SLCO5A1: variants seen among roughly 807,000 people sequenced by gnomAD.
SLCO5A1 encodes organic anion transporter polypeptide-related protein 4.
SLCO5A1 carries 39 observed loss-of-function variants against 65.1 expected under a neutral mutation model. The ratio of observed to expected loss-of-function variants is 0.60; its 90% confidence interval spans 0.46 to 0.78. SLCO5A1 has a LOEUF of 0.78. Among genes scored for constraint, SLCO5A1 ranks in the 30% least tolerant of loss-of-function variants. The pLI, the probability that SLCO5A1 is intolerant of heterozygous loss-of-function variation, is 0.00. For synonymous variants in SLCO5A1, 438 were observed against 415.7 expected (o/e 1.05, Z -0.65); for missense variants, 1,029 against 1,069.4 (o/e 0.96, Z 0.53).
At chr8:69,767,152 T>C (rs1818093595) in intron 2 of SLCO5A1, among the ~76,000 whole-genome samples, 1 of 152,214 alleles carries the variant, frequency 6.6e-6, no homozygotes, top group Non-Finnish European at 1.5e-5. Context: ...ACCAGTAATA[T>C]AAACACAAAT....
intron 5 of SLCO5A1, among the ~76,000 whole-genome samples, chr8:69,737,580 C>T (rs1816611673): frequency 6.6e-6 from 1 of 152,130 alleles, no homozygotes; most frequent in African/African-American, 2.4e-5. Context: ...AAAATTCATA[C>T]ATTTCCTTTT....
chr8:69,740,159 G>A (rs1353341211), intron 4 of SLCO5A1, among the ~76,000 whole-genome samples: 2 of 152,142 alleles, frequency 1.3e-5, no homozygotes, highest in Non-Finnish European at 2.9e-5. Flanking sequence ...ATTAGCAGAA[G>A]TTCAGACCTT....
intron 5 of SLCO5A1, among the ~76,000 whole-genome samples, chr8:69,707,553 GA>G (rs1430233323): frequency 6.6e-6 from 1 of 152,192 alleles, no homozygotes; most frequent in Non-Finnish European, 1.5e-5. Flanking sequence ...GAAAGACCAT[GA>G]AAAGGAGCTC....
intron 2 of SLCO5A1, among the ~76,000 whole-genome samples, chr8:69,808,543 C>T (rs1820104090): frequency 6.6e-6 from 1 of 152,056 alleles, no homozygotes; most frequent in Admixed American, 6.6e-5. Context: ...GTGTATGTAC[C>T]ACATTTTCTT....
intron 5 of SLCO5A1, among the ~76,000 whole-genome samples, chr8:69,719,195 C>T (rs1586722611): frequency 6.6e-6 from 1 of 152,194 alleles, no homozygotes; most frequent in East Asian, 1.9e-4. Context: ...CCACTTTGGA[C>T]AAGACAGTGA....
intron 2 of SLCO5A1, among the ~76,000 whole-genome samples, chr8:69,796,013 G>C (rs1384698746): frequency 6.6e-6 from 1 of 152,174 alleles, no homozygotes; most frequent in African/African-American, 2.4e-5. Flanking sequence ...GAGCAGCCGG[G>C]ATGTGGAAAG....
intron 2 of SLCO5A1, among the ~76,000 whole-genome samples, chr8:69,797,709 C>A (rs1489483015): frequency 6.6e-6 from 1 of 152,194 alleles, no homozygotes; most frequent in African/African-American, 2.4e-5. Context: ...CTTATTAGGA[C>A]AAGGAAATTC....
Position 69,832,809 on chromosome 8 carries a change from C to A in SLCO5A1, c.-136G>T. ...CTGGGGCTGGGGGCGCAGGGCCGCG[C>A]AGCAGGGCATCCTCACCAGCTGCGA... is the stretch of plus-strand genomic sequence containing the variant. On this transcript the variant is annotated 5_prime_UTR_variant, in exon 2 of 10. Transcript: ENST00000260126. The surrounding 1 kb of genome is among the most constrained non-coding windows in gnomAD (Gnocchi z 4.5). The A allele has an allele frequency of 2.0e-6, 2 of 1,007,986 alleles. No homozygotes were observed. The highest frequency in any genetic ancestry group is 2.8e-6 in the Non-Finnish European group (2 of 707,904). 62.4% of individuals were successfully genotyped at this position (1,007,986 alleles called of 1,614,324 possible).
intron 6 of SLCO5A1, 81 bp downstream of exon 6, chr8:69,704,949 AG>A (rs1814902420): frequency 1.5e-6 from 2 of 1,301,546 alleles, no homozygotes; most frequent in Non-Finnish European, 2.2e-6. Context: ...GAGGGGTATG[AG>A]GCTGACTGCA....
At chr8:69,714,492 T>C (rs1184660204) in intron 5 of SLCO5A1, among the ~76,000 whole-genome samples, 1 of 152,164 alleles carries the variant, frequency 6.6e-6, no homozygotes, top group Non-Finnish European at 1.5e-5. Flanking sequence ...CTCGCCTGGC[T>C]CAAAGCTGCT....
intron 5 of SLCO5A1, among the ~76,000 whole-genome samples, chr8:69,726,146 A>G (rs1816064285): frequency 1.3e-5 from 2 of 152,230 alleles, no homozygotes; most frequent in South Asian, 4.1e-4. Context: ...ATTAATCATC[A>G]AAGGTAAGTG....
intron 5 of SLCO5A1, among the ~76,000 whole-genome samples, chr8:69,725,617 G>A (rs1055035967): frequency 1.4e-4 from 21 of 152,198 alleles, no homozygotes; most frequent in Admixed American, 1.3e-3. Flanking sequence ...TTTGTAAGTC[G>A]TGGGGGATGG....
In SLCO5A1 at chr8:69,749,628, A is replaced by G. The variant is rs558239838; in HGVS notation, c.1258+5796T>C. Among the ~76,000 whole-genome samples the G allele has an allele frequency of 3.9e-5, 6 of 152,194 alleles. No individual in the cohort carries two copies. The East Asian group carries it at 9.6e-4, about 24-fold the overall frequency. ...GAGACAAAGCAAGACAGTCTCAAAA[A>G]AAAAAGAAAAAGAAAAAGAAATGAC... On this transcript the variant is annotated intron_variant, in intron 4 of 9. Transcript: ENST00000260126.
intron 6 of SLCO5A1, 106 bp downstream of exon 6, chr8:69,704,925 G>T: frequency 9.7e-7 from 1 of 1,032,786 alleles, no homozygotes; most frequent in Admixed American, 1.8e-5. Flanking sequence ...CACACAGGGA[G>T]AACAGCTTGG....
At chr8:69,713,736 A>G (rs1287098364) in intron 5 of SLCO5A1, 1 of 152,248 alleles carries the variant, frequency 6.6e-6, no homozygotes, top group East Asian at 1.9e-4. Context: ...AAAGTGTGAC[A>G]GATTGGAAGG....
At chr8:69,827,334 G>A (rs569279011) in intron 2 of SLCO5A1, among the ~76,000 whole-genome samples, 12 of 151,956 alleles carry the variant, frequency 7.9e-5, no homozygotes, top group African/African-American at 2.9e-4. Flanking sequence ...TTATAGTCTA[G>A]TTGCTAACCT....
At chr8:69,734,937 A>G (rs112774579) in intron 5 of SLCO5A1, among the ~76,000 whole-genome samples, 2,813 of 152,312 alleles carry the variant, frequency 0.018, 74 homozygotes, top group African/African-American at 0.064. Context: ...ACTGATAACA[A>G]TTCAAAAAAC....
chr8:69,788,173 C>A (rs1819116245), intron 2 of SLCO5A1, among the ~76,000 whole-genome samples: 1 of 152,114 alleles, frequency 6.6e-6, no homozygotes, highest in Middle Eastern at 3.2e-3. Flanking sequence ...CAACTCAAAC[C>A]AAAATTACAC....
intron 2 of SLCO5A1, among the ~76,000 whole-genome samples, chr8:69,791,937 A>G (rs1263488412): frequency 1.3e-5 from 2 of 152,244 alleles, no homozygotes; most frequent in Non-Finnish European, 2.9e-5. Context: ...AAAGTCAACA[A>G]GGAAAAGATC....
Sources: gnomAD v4.1 joint callset for allele counts (sites outside exome capture counted in the v4.1 genomes callset) on GRCh38, gnomAD v4.1.1 for gene constraint, Gnocchi (gnomAD v3.1) non-coding constraint, MANE v1.5 for transcripts, NCBI Gene and HGNC (gene_info 2026-07-23, HGNC 2026-07-21) for gene names.